ESRP2: variants seen among roughly 807,000 people sequenced by gnomAD.
ESRP2 encodes the protein RNA binding motif protein 35A.
ESRP2 carries 48 observed loss-of-function variants against 78.6 expected under a neutral mutation model. That is an observed-to-expected ratio of 0.61 (90% CI 0.48 to 0.78). The LOEUF is 0.78. Ranked by LOEUF, ESRP2 falls within the 30% of genes least tolerant of loss-of-function variation. ESRP2 has a pLI of 0.00. For missense variants in ESRP2, 863 were observed against 965.9 expected (o/e 0.89, Z 1.41); for synonymous variants, 383 against 406.7 (o/e 0.94, Z 0.70).
In ESRP2 at chr16:68,233,432, G is replaced by A; in HGVS notation, c.557-7C>T. On this transcript the variant is annotated splice_region_variant and splice_polypyrimidine_tract_variant and intron_variant, in intron 4 of 14. Transcript: ENST00000473183. Reference sequence around the variant, plus strand: ...TCTGTCTCCAGTCCTAAACCTATGGGCAGAGAAGTGACAGTGAAGACATCT... The same window carrying A: ...TCTGTCTCCAGTCCTAAACCTATGGACAGAGAAGTGACAGTGAAGACATCT... 6.2e-7 allele frequency: 1 copy of A among 1,604,576 alleles called. No homozygotes were observed. Among genetic ancestry groups the A allele is most frequent in the Non-Finnish European group, 8.5e-7 (1 of 1,171,308 alleles).
Position 68,232,751 on chromosome 16 carries a change from C to A in ESRP2, c.710+10G>T. ...CTGTTGTCACCCCCAGCCCCTGCTC[C>A]CACACTCACCAAGGCCCCGTCTCGT... On this transcript the variant is annotated intron_variant, in intron 6 of 14. Transcript: ENST00000473183. This position sits in a 1 kb window ranked among gnomAD's most constrained non-coding sequence, Gnocchi z 5.2. The A allele has an allele frequency of 6.2e-7, 1 of 1,614,260 alleles. No individual in the cohort carries two copies. Among genetic ancestry groups the A allele is most frequent in the Non-Finnish European group, 8.5e-7 (1 of 1,180,042 alleles).
Position 68,230,551 on chromosome 16 carries a change from G to A in ESRP2, c.1902C>T (p.Pro634=). ...AGCCCACAGTGGTGGGGGAGACTGG[G>A]GGGCTAGGGTGGGAGAGACAAGGTT... The part of the protein sequence containing the change: ...YLNYTAYYPS[P]PVSPTTVGYL... The change falls in exon 14 of 15, where the codon CCC becomes CCT. Residue 634 remains proline, a synonymous_variant. Coordinates refer to ENST00000473183, the MANE Select transcript of ESRP2 (RefSeq NM_024939.3). The A allele has an allele frequency of 6.4e-7, 1 of 1,563,788 alleles. No individual in the cohort carries two copies. Among genetic ancestry groups the A allele is most frequent in the Non-Finnish European group, 8.7e-7 (1 of 1,153,566 alleles).
rs1396297601 is a variant in ESRP2, at chr16:68,230,616, T to G, written c.1899-62A>C. Reference sequence around the variant, plus strand: ...ACCTGTGGCCTAGACCGAGACCTGTTTCCCTCCTCCCTTGTTTCTGCCTTG... The same window carrying G: ...ACCTGTGGCCTAGACCGAGACCTGTGTCCCTCCTCCCTTGTTTCTGCCTTG... On this transcript the variant is annotated intron_variant, in intron 13 of 14. Coordinates refer to ENST00000473183, the MANE Select transcript of ESRP2 (RefSeq NM_024939.3). The G allele has an allele frequency of 6.6e-6, 10 of 1,506,432 alleles. No individual in the cohort carries two copies. The Middle Eastern group carries it at 9.4e-4, about 141-fold the overall frequency. The allele number at this position is 1,506,432 out of a possible 1,614,324, so 93.3% of individuals were successfully genotyped here.
Position 68,231,672 on chromosome 16 carries a change from C to T in ESRP2, c.1322G>A (p.Gly441Asp). The change falls in exon 11 of 15, where the codon GGC becomes GAC. Residue 441 changes from glycine (G) to aspartate (D), a missense_variant. Coordinates refer to ENST00000473183, the MANE Select transcript of ESRP2 (RefSeq NM_024939.3). The surrounding 1 kb of genome is among the most constrained non-coding windows in gnomAD (Gnocchi z 6.0). ...VQQVLNRYAS[G>D]PLLPTLTAPL... The stretch of plus-strand genomic sequence containing the variant: ...GGCAGTCAGTGTAGGAAGGAGTGGG[C>T]CGGATGCATAGCGGTTCAAGACCTA... 5 of 1,610,478 alleles carry T rather than the reference C, an allele frequency of 3.1e-6. No individual in the cohort carries two copies. Among genetic ancestry groups the T allele is most frequent in the Non-Finnish European group, 4.2e-6 (5 of 1,177,800 alleles).
At chr16:68,233,904 G>A (rs753004030) in intron 3 of ESRP2, 22 bp from the exon 4 acceptor site, 2 of 1,605,890 alleles carry the variant, frequency 1.2e-6, no homozygotes, top group Non-Finnish European at 1.7e-6. Flanking sequence ...TAGGATTGAG[G>A]ATGAGCGCCC....
Position 68,232,371 on chromosome 16 carries a change from C to T in ESRP2, c.954G>A (p.Glu318=), listed in dbSNP as rs763475379. ...CTCCGCTCCCAGCCCAAAGCCCCAC[C>T]TCAATATAGCGGACGCCCATGTGGT... ...HKHHMGVRYI[E]VYKATGEEFV... is the part of the protein sequence containing the mutation. The change falls in exon 8 of 15, where the codon GAG becomes GAA. Residue 318 remains glutamate, a splice_region_variant and synonymous_variant. Transcript: ENST00000473183. The surrounding 1 kb of genome is among the most constrained non-coding windows in gnomAD (Gnocchi z 5.2). 1.9e-6 allele frequency: 3 copies of T among 1,613,992 alleles called. No individual in the cohort carries two copies. Among genetic ancestry groups the T allele is most frequent in the South Asian group, 1.1e-5 (1 of 91,058 alleles).
Position 68,235,085 on chromosome 16 carries a change from G to A in ESRP2, c.327+549C>T. ...CACCCCAGGCCTTTGCACTCAGCAG[G>A]CAGATAGTCCCCCAGGCCAGGCCGG... is the stretch of plus-strand genomic sequence containing the variant. On this transcript the variant is annotated intron_variant, in intron 2 of 14. Transcript: ENST00000473183. This position sits in a 1 kb window ranked among gnomAD's most constrained non-coding sequence, Gnocchi z 5.5. The A allele has an allele frequency of 1.0e-6, 1 of 983,110 alleles. No homozygotes were observed. The highest frequency in any genetic ancestry group is 1.7e-5 in the African/African-American group (1 of 57,284). 60.9% of individuals were successfully genotyped at this position (983,110 alleles called of 1,614,324 possible).
intron 3 of ESRP2, 44 bp downstream of exon 3, chr16:68,233,950 T>C: frequency 1.2e-6 from 2 of 1,607,836 alleles, no homozygotes; most frequent in Non-Finnish European, 1.7e-6. Context: ...TCTGGGAACC[T>C]TACTGACCAC....
In ESRP2 at chr16:68,232,717, G is replaced by A; in HGVS notation, c.711-30C>T. 6.2e-7 allele frequency: 1 copy of A among 1,614,178 alleles called. No homozygotes were observed. Among genetic ancestry groups the A allele is most frequent in the Non-Finnish European group, 8.5e-7 (1 of 1,180,024 alleles). On this transcript the variant is annotated intron_variant, in intron 6 of 14. Transcript: ENST00000473183. This position sits in a 1 kb window ranked among gnomAD's most constrained non-coding sequence, Gnocchi z 5.2. ...AGGGGCAGGGCACAGTGCTGTCAGA[G>A]CTATTCAGCTGTTGTCACCCCCAGC...
At position 68,234,059 on chromosome 16, in the gene ESRP2, A is replaced by G; in HGVS notation, c.376T>C (p.Tyr126His). 1.2e-6 allele frequency: 2 copies of G among 1,613,918 alleles called. No individual in the cohort carries two copies. The highest frequency in any genetic ancestry group is 3.3e-5 in the Admixed American group (2 of 59,994). The stretch of plus-strand genomic sequence containing the variant: ...TGCTGCCCATCAGTGCAGAGCATGT[A>G]GGGGCCCCCGCCCAGCAAAGCCACA... ...GDVALLGGGPYMLCTDGQQLL... is the reference protein window; with the variant it reads ...GDVALLGGGPHMLCTDGQQLL... The change falls in exon 3 of 15, where the codon TAC (tyrosine) becomes CAC (histidine). Residue 126 changes from tyrosine to histidine, a missense_variant. Tyr to His is a moderately conservative substitution (Grantham distance 83). Transcript: ENST00000473183.
In ESRP2 at chr16:68,233,976, T is replaced by C. The variant is rs368648510; in HGVS notation, c.441+18A>G. ...TACTGACCACCCCACCCCACCCGGT[T>C]TTCCTTCAGGAGCATACCTTCCTGG... is the stretch of plus-strand genomic sequence containing the variant. On this transcript the variant is annotated intron_variant, in intron 3 of 14. Coordinates refer to ENST00000473183, the MANE Select transcript of ESRP2 (RefSeq NM_024939.3). 5.6e-6 allele frequency: 9 copies of C among 1,612,638 alleles called. No individual in the cohort carries two copies. In the African/African-American group the frequency reaches 1.2e-4, roughly 22 times the overall value.
Position 68,231,197 on chromosome 16 carries a change from AG to A in ESRP2, c.1691del (p.Pro564LeufsTer62), listed in dbSNP as rs1276947317. 6.2e-7 allele frequency: 1 copy of A among 1,613,054 alleles called. No individual in the cohort carries two copies. ...ACTCACAGGGCAGCTTGCAGGGTGGAGGGGACATGCCACTGCGGCCCAAGGT... is the reference window on the plus strand; with the variant it reads ...ACTCACAGGGCAGCTTGCAGGGTGGAGGGACATGCCACTGCGGCCCAAGGT... ...GGTLGRSGMS[P>X]PPCKLPCLSP... On this transcript the variant is annotated frameshift_variant, in exon 12 of 15. Transcript: ENST00000473183. LOFTEE classifies it high-confidence loss of function. The surrounding 1 kb of genome is among the most constrained non-coding windows in gnomAD (Gnocchi z 6.0).
At position 68,231,390 on chromosome 16, in the gene ESRP2, C is replaced by T. The variant is rs1598650710; in HGVS notation, c.1513-14G>A. ...CGATGGCCGGCCCTGTGCACACCAT[C>T]TTGTGAGCAGTTTGTCATGTGTAAG... On this transcript the variant is annotated splice_polypyrimidine_tract_variant and intron_variant, in intron 11 of 14. Transcript: ENST00000473183. This position sits in a 1 kb window ranked among gnomAD's most constrained non-coding sequence, Gnocchi z 6.0. 1 of 1,614,048 alleles carries T rather than the reference C, an allele frequency of 6.2e-7. No homozygotes were observed. Among genetic ancestry groups the T allele is most frequent in the Non-Finnish European group, 8.5e-7 (1 of 1,179,954 alleles).
At position 68,232,138 on chromosome 16, in the gene ESRP2, G is replaced by A; in HGVS notation, c.998-35C>T. Reference sequence around the variant, plus strand: ...AGAGTCGCCTGCTGACTTCACTCATGCTCCTCCAGACACTCACCCATGCAG... The same window carrying A: ...AGAGTCGCCTGCTGACTTCACTCATACTCCTCCAGACACTCACCCATGCAG... On this transcript the variant is annotated intron_variant, in intron 9 of 14. Transcript: ENST00000473183. This position sits in a 1 kb window ranked among gnomAD's most constrained non-coding sequence, Gnocchi z 5.2. The A allele has an allele frequency of 6.2e-7, 1 of 1,610,372 alleles. No individual in the cohort carries two copies. The highest frequency in any genetic ancestry group is 2.2e-5 in the East Asian group (1 of 44,788).
Position 68,232,793 on chromosome 16 carries a change from C to T in ESRP2, c.678G>A (p.Glu226=), listed in dbSNP as rs1266578648. Residue 226 remains glutamate, a synonymous_variant, in exon 6 of 15, where the codon GAG becomes GAA. Transcript: ENST00000473183. The surrounding 1 kb of genome is among the most constrained non-coding windows in gnomAD (Gnocchi z 5.2). ...EPSSQLFSKP[E]VIKQKYETGP... is the part of the protein sequence containing the mutation. The stretch of plus-strand genomic sequence containing the variant: ...CCGTCTCGTATTTCTGCTTTATCAC[C>T]TCGGGCTTCGAAAACAATTGACCTG... 2 of 1,614,216 alleles carry T rather than the reference C, an allele frequency of 1.2e-6. No homozygotes were observed. The highest frequency in any genetic ancestry group is 1.3e-5 in the African/African-American group (1 of 75,032).
Position 68,232,551 on chromosome 16 carries a change from G to A in ESRP2, c.821+26C>T. 1 of 1,613,952 alleles carries A rather than the reference G, an allele frequency of 6.2e-7. No homozygotes were observed. The highest frequency in any genetic ancestry group is 8.5e-7 in the Non-Finnish European group (1 of 1,179,980). ...GCCTCCTGGGTAGGCCTGTCCAATT[G>A]GGCCCACCCACCCTGCCACACCCAC... On this transcript the variant is annotated intron_variant, in intron 7 of 14. Transcript: ENST00000473183. This position sits in a 1 kb window ranked among gnomAD's most constrained non-coding sequence, Gnocchi z 5.2.
Position 68,234,288 on chromosome 16 carries a change from C to G in ESRP2, c.328-181G>C, listed in dbSNP as rs969702624. On this transcript the variant is annotated intron_variant, in intron 2 of 14. Transcript: ENST00000473183. Reference sequence around the variant, plus strand: ...GCCCTATGTCCCTTCCCCTCACCCCCCAACCCTGTTCCAGTCCACTGTCAC... The same window carrying G: ...GCCCTATGTCCCTTCCCCTCACCCCGCAACCCTGTTCCAGTCCACTGTCAC... 3 of 593,202 alleles carry G rather than the reference C, an allele frequency of 5.1e-6. No individual in the cohort carries two copies. The South Asian group carries it at 6.1e-5, about 12-fold the overall frequency. The allele number at this position is 593,202 out of a possible 1,614,324, so 36.7% of individuals were successfully genotyped here.
chr16:68,231,660 G>T lies in ESRP2; in HGVS notation c.1334C>A (p.Pro445His). ...LNRYASGPLL[P>H]TLTAPLLPIP... ...GGGCAGCAGTGGGGCAGTCAGTGTA[G>T]GAAGGAGTGGGCCGGATGCATAGCG... is the stretch of plus-strand genomic sequence containing the variant. The change falls in exon 11 of 15, where the codon CCT (proline) becomes CAT (histidine). Residue 445 changes from proline (P) to histidine (H), a missense_variant. By Grantham distance (77) the Pro-to-His change is moderately conservative. Coordinates refer to ENST00000473183, the MANE Select transcript of ESRP2 (RefSeq NM_024939.3). The surrounding 1 kb of genome is among the most constrained non-coding windows in gnomAD (Gnocchi z 6.0). 1 of 1,612,698 alleles carries T rather than the reference G, an allele frequency of 6.2e-7. No homozygotes were observed. The highest frequency in any genetic ancestry group is 8.5e-7 in the Non-Finnish European group (1 of 1,179,090).
In ESRP2 at chr16:68,235,452, G is replaced by A; in HGVS notation, c.327+182C>T. On this transcript the variant is annotated intron_variant, in intron 2 of 14. Transcript: ENST00000473183. This position sits in a 1 kb window ranked among gnomAD's most constrained non-coding sequence, Gnocchi z 5.5. ...TGAAAAGTAAGGAGCCCAGGGGAAT[G>A]GCTGGCACGCGCGGATGAAAGGGGC... is the stretch of plus-strand genomic sequence containing the variant. 1 of 985,422 alleles carries A rather than the reference G, an allele frequency of 1.0e-6. No homozygotes were observed. The highest frequency in any genetic ancestry group is 4.7e-5 in the South Asian group (1 of 21,292). The allele number at this position is 985,422 out of a possible 1,614,324, so 61.0% of individuals were successfully genotyped here.
Sources: allele counts gnomAD v4.1 joint callset, GRCh38; gene constraint gnomAD v4.1.1; non-coding constraint Gnocchi (gnomAD v3.1); transcripts MANE v1.5; gene names NCBI Gene and HGNC (gene_info 2026-07-23, HGNC 2026-07-21).